DHX35: variants seen among roughly 807,000 people sequenced by gnomAD.
DHX35 encodes the protein probable ATP-dependent RNA helicase DHX35.
DHX35 carries 84 observed loss-of-function variants against 99.6 expected under a neutral mutation model. The ratio of observed to expected loss-of-function variants is 0.84; its 90% CI spans 0.71 to 1.01. DHX35 has a LOEUF of 1.01. Ranked by LOEUF, DHX35 falls within the 50% of genes least tolerant of loss-of-function variation. The probability of loss-of-function intolerance (pLI) is 0.00; values close to 1 mark genes in which losing one functional copy is unlikely to be tolerated. For synonymous variants in DHX35, 331 were observed against 316.2 expected, an observed-to-expected ratio of 1.05 and a Z score of -0.50; for missense variants, 852 against 888.5, an observed-to-expected ratio of 0.96 and a Z score of 0.52.
At chr20:39,002,489 T>G (rs2086536812) in intron 9 of DHX35, among the ~76,000 whole-genome samples, 1 of 152,216 alleles carries the variant, frequency 6.6e-6, no homozygotes, top group South Asian at 2.1e-4. Context: ...TTTTCACTGG[T>G]CTGATGTCTT....
At chr20:38,967,859 G>T (rs1044611586) in intron 1 of DHX35, among the ~76,000 whole-genome samples, 2 of 152,164 alleles carry the variant, frequency 1.3e-5, no homozygotes, top group African/African-American at 2.4e-5. Context: ...GGCCATGGTT[G>T]ATTGTATTGG....
chr20:39,007,715 A>C (rs902734618), intron 12 of DHX35, among the ~76,000 whole-genome samples: 10 of 152,164 alleles, frequency 6.6e-5, no homozygotes, highest in Non-Finnish European at 1.3e-4. Context: ...GCAGGGAAGG[A>C]AGTGGGTTTG....
intron 14 of DHX35, among the ~76,000 whole-genome samples, chr20:39,016,650 A>G (rs969061862): frequency 6.6e-6 from 1 of 152,176 alleles, no homozygotes; most frequent in African/African-American, 2.4e-5. Context: ...GCAATGTATG[A>G]GAGTTCCAGT....
chr20:38,997,086 T>A (rs549043035), intron 8 of DHX35, among the ~76,000 whole-genome samples: 24 of 138,816 alleles, frequency 1.7e-4, no homozygotes, highest in African/African-American at 3.7e-4. Context: ...TTATTTATTT[T>A]TTGACACCAA....
At chr20:39,013,416 C>A (rs1425665365) in intron 13 of DHX35, among the ~76,000 whole-genome samples, 1 of 152,152 alleles carries the variant, frequency 6.6e-6, no homozygotes, top group Non-Finnish European at 1.5e-5. Context: ...AGTGAGAAGA[C>A]CACACTAAAA....
At chr20:39,001,034 T>C (rs980192177) in intron 8 of DHX35, among the ~76,000 whole-genome samples, 1 of 152,192 alleles carries the variant, frequency 6.6e-6, no homozygotes, top group African/African-American at 2.4e-5. Flanking sequence ...ACAGGTCTCC[T>C]TGTGGGCTGC....
At chr20:39,035,975 C>T (rs1271046527) in intron 21 of DHX35, among the ~76,000 whole-genome samples, 4 of 152,180 alleles carry the variant, frequency 2.6e-5, no homozygotes, top group Non-Finnish European at 5.9e-5. Context: ...GTTGTCTTTG[C>T]TGAATTAGGT....
chr20:38,992,213 T>C, intron 6 of DHX35, 143 bp from the exon 7 acceptor site: 1 of 614,556 alleles, frequency 1.6e-6, no homozygotes, highest in African/African-American at 1.8e-5. Flanking sequence ...AATTGCCTCA[T>C]TGTCAAAGAA....
chr20:38,978,615 AT>A (rs1249566216), intron 3 of DHX35, among the ~76,000 whole-genome samples: 3 of 152,114 alleles, frequency 2.0e-5, no homozygotes, highest in Non-Finnish European at 2.9e-5. Flanking sequence ...AATAGTTTGC[AT>A]TTATTTTCTC....
chr20:38,989,265 GTTTTTTTTTT>G (rs59991063), intron 5 of DHX35, among the ~76,000 whole-genome samples: 1 of 111,880 alleles, frequency 8.9e-6, no homozygotes, highest in Non-Finnish European at 1.8e-5. Flanking sequence ...ACCCGGCTAA[GTTTTTTTTTT>G]TTTTTTTTTT....
intron 21 of DHX35, 65 bp downstream of exon 21, chr20:39,034,382 C>CT (rs1239929598): frequency 2.2e-5 from 31 of 1,380,600 alleles, no homozygotes; most frequent in Admixed American, 3.4e-5. Flanking sequence ...TTTAAATGTA[C>CT]TTTTTTTCTC....
At chr20:39,023,606 G>A in intron 16 of DHX35, 84 bp from the exon 17 acceptor site, 1 of 1,323,622 alleles carries the variant, frequency 7.6e-7, no homozygotes, top group African/African-American at 1.4e-5. Flanking sequence ...TCCCACCTTA[G>A]CCTCACCAAA....
intron 10 of DHX35, among the ~76,000 whole-genome samples, 199 bp downstream of exon 10, chr20:39,003,067 C>T (rs923878284): frequency 6.6e-6 from 1 of 152,192 alleles, no homozygotes; most frequent in East Asian, 1.9e-4. Flanking sequence ...CCTGTTCTGT[C>T]TGCAGAGGGT....
At position 39,010,404 on chromosome 20, in the gene DHX35, G is replaced by C. The variant is rs752005110; in HGVS notation, c.1347G>C (p.Ser449=). Reference sequence around the variant, plus strand: ...ATGTCCTCAGGTTCCACTTCATGTCGGTAAGTCCTGCCTGCTGTCTGGGGC... The same window carrying C: ...ATGTCCTCAGGTTCCACTTCATGTCCGTAAGTCCTGCCTGCTGTCTGGGGC... ...IDNVLRFHFM[S]PPPAQSMVQA... Residue 449 remains serine, a splice_region_variant and synonymous_variant, in exon 13 of 22, where the codon TCG becomes TCC. Transcript: ENST00000252011. The C allele has an allele frequency of 6.2e-7, 1 of 1,613,882 alleles. No individual in the cohort carries two copies. Among genetic ancestry groups the C allele is most frequent in the Non-Finnish European group, 8.5e-7 (1 of 1,179,878 alleles).
intron 12 of DHX35, among the ~76,000 whole-genome samples, chr20:39,007,597 G>A (rs1203845641): frequency 6.6e-6 from 1 of 152,212 alleles, no homozygotes; most frequent in Non-Finnish European, 1.5e-5. Flanking sequence ...CCAGGGTGTT[G>A]TTTGAGCCTG....
intron 8 of DHX35, among the ~76,000 whole-genome samples, chr20:38,998,442 T>G (rs1005151995): frequency 6.6e-6 from 1 of 152,122 alleles, no homozygotes; most frequent in African/African-American, 2.4e-5. Flanking sequence ...GCCACTCCAG[T>G]GGGTTAGGAA....
intron 14 of DHX35, among the ~76,000 whole-genome samples, chr20:39,016,292 A>C (rs1038492647): frequency 6.6e-6 from 1 of 152,182 alleles, no homozygotes; most frequent in African/African-American, 2.4e-5. Flanking sequence ...TCTGTTCATG[A>C]GGGATCACCC....
chr20:39,038,378 T>G, intron 21 of DHX35, 121 bp from the exon 22 acceptor site: 2 of 1,123,254 alleles, frequency 1.8e-6, no homozygotes, highest in Non-Finnish European at 1.3e-6. Flanking sequence ...CAGCTCAGCA[T>G]TTACTGGGAA....
At chr20:38,983,251 G>A (rs918982725) in intron 3 of DHX35, among the ~76,000 whole-genome samples, 2 of 152,142 alleles carry the variant, frequency 1.3e-5, no homozygotes, top group African/African-American at 4.8e-5. Context: ...CTAATCTAAT[G>A]GTGTATAGTC....
Sources: allele counts gnomAD v4.1 joint callset (sites outside exome capture counted in the v4.1 genomes callset), GRCh38; gene constraint gnomAD v4.1.1; transcripts MANE v1.5; gene names NCBI Gene and HGNC (gene_info 2026-07-23, HGNC 2026-07-21).